The following POLD1 variants were observed in gnomAD, a reference collection of about 807,000 sequenced individuals.
The protein encoded by POLD1 is DNA polymerase delta 1, catalytic subunit.
POLD1 carries 79 observed loss-of-function variants against 129.7 expected under a neutral mutation model. The ratio of observed to expected loss-of-function variants is 0.61; its 90% CI spans 0.51 to 0.73. The LOEUF (loss-of-function observed/expected upper bound fraction) is 0.73. Among genes scored for constraint, POLD1 ranks in the 30% least tolerant of loss-of-function variants. POLD1 has a pLI of 0.00. For synonymous variants in POLD1, 714 were observed against 683.3 expected (o/e 1.04, Z -0.70); for missense variants, 1,338 against 1,595.8 (o/e 0.84, Z 2.75).
intron 1 of POLD1, chr19:50,395,165 CTTCT>C (rs2038306382): frequency 6.7e-6 from 1 of 148,706 alleles, no homozygotes; most frequent in Admixed American, 6.7e-5. Context: ...TTTTTAAAAA[CTTCT>C]TTCTCTGACA....
In POLD1 at chr19:50,398,888, G is replaced by A. The variant is rs760884573; in HGVS notation, c.37G>A (p.Val13Met). ...GKRRPGPGPGVPPKRARGGLW... is the reference protein window; with the variant it reads ...GKRRPGPGPGMPPKRARGGLW... ...GCGGCGGCCAGGCCCAGGGCCCGGG[G>A]TGCCCCCAAAGCGGGCCCGTGGGGG... is the stretch of plus-strand genomic sequence containing the variant. Residue 13 changes from valine to methionine, a missense_variant, in exon 2 of 27, where the codon GTG (valine) becomes ATG (methionine). Coordinates refer to ENST00000440232, the MANE Select transcript of POLD1 (RefSeq NM_002691.4). 6.8e-6 allele frequency: 11 copies of A among 1,607,054 alleles called. No homozygotes were observed. Among genetic ancestry groups the A allele is most frequent in the Non-Finnish European group, 9.3e-6 (11 of 1,178,218 alleles).
chr19:50,390,855 T>G (rs2038133187), intron 1 of POLD1, among the ~76,000 whole-genome samples: 1 of 150,328 alleles, frequency 6.7e-6, no homozygotes, highest in Admixed American at 6.6e-5. Context: ...TAACCCTGAG[T>G]GGACACAGCA....
intron 4 of POLD1, 26 bp downstream of exon 4, chr19:50,401,950 C>G: frequency 1.9e-6 from 3 of 1,614,092 alleles, no homozygotes; most frequent in African/African-American, 1.3e-5. Flanking sequence ...CCAGCCCCTC[C>G]CTGAGCCACT....
At position 50,413,870 on chromosome 19, in the gene POLD1, G is replaced by T. The variant is rs2039181854; in HGVS notation, c.2379G>T (p.Glu793Asp). The change falls in exon 19 of 27, where the codon GAG (glutamate) becomes GAT (aspartate). Residue 793 changes from glutamate to aspartate, a missense_variant. This residue lies in a region of POLD1 where 720 missense variants were observed against 1,002.6 expected (regional missense o/e 0.72). Coordinates refer to ENST00000440232, the MANE Select transcript of POLD1 (RefSeq NM_002691.4). ...ACTTCCCGTCGCCCATCCGGCTGGA[G>T]TTTGAGAAGGTGCGTGGCTGGGTCA... Reference protein sequence around the residue: ...SGHFPSPIRLEFEKVYFPYLL... With the variant: ...SGHFPSPIRLDFEKVYFPYLL... 2 of 1,601,652 alleles carry T rather than the reference G, an allele frequency of 1.2e-6. No individual in the cohort carries two copies. The highest frequency in any genetic ancestry group is 1.7e-6 in the Non-Finnish European group (2 of 1,173,372).
At chr19:50,413,954 C>T in intron 19 of POLD1, 75 bp downstream of exon 19, 2 of 1,421,054 alleles carry the variant, frequency 1.4e-6, no homozygotes. Flanking sequence ...TCTTTGGGTT[C>T]ACAAAAGCCA....
In POLD1 at chr19:50,409,648, G is replaced by A. The variant is rs765207547; in HGVS notation, c.2136G>A (p.Pro712=). The part of the protein sequence containing the change: ...GFTGAQVGKL[P]CLEISQSVTG... The stretch of plus-strand genomic sequence containing the variant: ...CTGGCGCCCAGGTGGGCAAGTTGCC[G>A]TGCCTGGAGATCTCACAGGTGGGCA... Residue 712 remains proline (P), a synonymous_variant, in exon 17 of 27, where the codon CCG becomes CCA. Transcript: ENST00000440232. This position sits in a 1 kb window ranked among gnomAD's most constrained non-coding sequence, Gnocchi z 5.8. 102 of 1,605,754 alleles carry A rather than the reference G, an allele frequency of 6.4e-5. No individual in the cohort carries two copies. The highest frequency in any genetic ancestry group is 1.7e-4 in the Admixed American group (10 of 59,752).
intron 1 of POLD1, among the ~76,000 whole-genome samples, 194 bp downstream of exon 1, chr19:50,384,584 G>T (rs1012163060): frequency 5.4e-5 from 8 of 149,370 alleles, no homozygotes; most frequent in African/African-American, 1.7e-4. Context: ...GGTGGGGGTG[G>T]AATTCCTCGG....
chr19:50,405,630 T>C (rs1426895386), intron 10 of POLD1, among the ~76,000 whole-genome samples: 5 of 152,120 alleles, frequency 3.3e-5, no homozygotes, highest in Admixed American at 2.0e-4. Context: ...CCCCAGTGTA[T>C]ATTCCACAGC....
At chr19:50,408,006 A>C (rs1034476696) in intron 14 of POLD1, among the ~76,000 whole-genome samples, 2 of 151,888 alleles carry the variant, frequency 1.3e-5, no homozygotes, top group Non-Finnish European at 2.9e-5. Flanking sequence ...ACTGCCCTCC[A>C]GCCTGGGCGA....
At chr19:50,404,408 G>A (rs1425348779) in intron 10 of POLD1, among the ~76,000 whole-genome samples, 11 of 147,600 alleles carry the variant, frequency 7.5e-5, no homozygotes, top group South Asian at 2.1e-4. Context: ...GACTACAGGC[G>A]CCCGCCACCA....
Position 50,401,784 on chromosome 19 carries a change from C to T in POLD1, c.323C>T (p.Ala108Val), listed in dbSNP as rs577686721. Reference sequence around the variant, plus strand: ...TTACCCTGTGACCCCACAGGCCCAGCGCAGCCTGTGCCTGGGGGGCCCCCA... The same window carrying T: ...TTACCCTGTGACCCCACAGGCCCAGTGCAGCCTGTGCCTGGGGGGCCCCCA... ...QLEIDHYVGPAQPVPGGPPPS... is the reference protein window; with the variant it reads ...QLEIDHYVGPVQPVPGGPPPS... The change falls in exon 4 of 27, where the codon GCG becomes GTG. Residue 108 changes from alanine (A) to valine (V), a missense_variant. Physicochemically the swap from Ala to Val is moderately conservative, Grantham distance 64 (BLOSUM62 0). Transcript: ENST00000440232. 20 of 1,612,092 alleles carry T rather than the reference C, an allele frequency of 1.2e-5. No homozygotes were observed. The highest frequency in any genetic ancestry group is 6.7e-5 in the East Asian group (3 of 44,862).
Position 50,395,876 on chromosome 19 carries a change from C to CTTTTTTTTTTT in POLD1, c.-1-2960_-1-2950dup, listed in dbSNP as rs774272686. 9.5e-5 allele frequency among the ~76,000 whole-genome samples: 7 copies of CTTTTTTTTTTT among 73,658 alleles called. 2 individuals are homozygous for CTTTTTTTTTTT. Among genetic ancestry groups the CTTTTTTTTTTT allele is most frequent in the African/African-American group, 3.9e-4 (7 of 17,738 alleles). 48.3% of individuals were successfully genotyped at this position (73,658 alleles called of 152,430 possible). ...TGTCTAATCAACCAGAGGATATATA[C>CTTTTTTTTTTT]TTTTTTTTTTTTTTTTTTTTTTTTT... On this transcript the variant is annotated intron_variant, in intron 1 of 26. Coordinates refer to ENST00000440232, the MANE Select transcript of POLD1 (RefSeq NM_002691.4).
intron 3 of POLD1, among the ~76,000 whole-genome samples, chr19:50,401,047 G>C (rs1272135555): frequency 2.0e-5 from 3 of 151,376 alleles, no homozygotes; most frequent in African/African-American, 7.3e-5. Flanking sequence ...GCTCACTTTT[G>C]GAGGCTGAGG....
chr19:50,411,289 T>G (rs2039079463), intron 17 of POLD1, among the ~76,000 whole-genome samples: 1 of 152,136 alleles, frequency 6.6e-6, no homozygotes, highest in Admixed American at 6.6e-5. Flanking sequence ...CCCTCTGCCT[T>G]TCACAGTCCC....
At chr19:50,397,834 G>C (rs760006627) in intron 1 of POLD1, among the ~76,000 whole-genome samples, 8 of 152,158 alleles carry the variant, frequency 5.3e-5, no homozygotes, top group Non-Finnish European at 1.2e-4. Context: ...TACTATAAAC[G>C]GCATTTTGGA....
In POLD1 at chr19:50,398,937, C is replaced by G; in HGVS notation, c.86C>G (p.Pro29Arg). 1 of 1,593,722 alleles carries G rather than the reference C, an allele frequency of 6.3e-7. No individual in the cohort carries two copies. Among genetic ancestry groups the G allele is most frequent in the Non-Finnish European group, 8.5e-7 (1 of 1,171,334 alleles). ...GGCCTCTGGGATGATGATGATGCAC[C>G]TCGGCCATCCCAATTCGAGGAGGAC... ...RGGLWDDDDA[P>R]RPSQFEEDLA... The change falls in exon 2 of 27, where the codon CCT becomes CGT. Residue 29 changes from proline to arginine, a missense_variant. Transcript: ENST00000440232.
chr19:50,386,451 T>G (rs2123701115), intron 1 of POLD1, among the ~76,000 whole-genome samples: 1 of 152,286 alleles, frequency 6.6e-6, no homozygotes, highest in African/African-American at 2.4e-5. Context: ...ACTCATGTCT[T>G]GAAGTAACCG....
chr19:50,401,114 C>T (rs1009113134), intron 3 of POLD1, among the ~76,000 whole-genome samples: 2 of 151,078 alleles, frequency 1.3e-5, no homozygotes, highest in South Asian at 4.2e-4. Flanking sequence ...ATGGTGAAAC[C>T]CCGTCTCTAC....
At position 50,402,136 on chromosome 19, in the gene POLD1, C is replaced by A. The variant is rs2038667774; in HGVS notation, c.589+12C>A. Reference sequence around the variant, plus strand: ...GTGCTCCCGAGAGAGTGAGTGCTCCCCCAGGATCAGCGGGTTGGAGGGTCC... The same window carrying A: ...GTGCTCCCGAGAGAGTGAGTGCTCCACCAGGATCAGCGGGTTGGAGGGTCC... On this transcript the variant is annotated intron_variant, in intron 5 of 26. Transcript: ENST00000440232. The A allele has an allele frequency of 2.5e-6, 4 of 1,605,674 alleles. No homozygotes were observed. The highest frequency in any genetic ancestry group is 1.1e-5 in the South Asian group (1 of 89,642).
Sources: allele counts gnomAD v4.1 joint callset (sites outside exome capture counted in the v4.1 genomes callset), GRCh38; gene constraint gnomAD v4.1.1; regional missense constraint gnomAD v4.1.1; non-coding constraint Gnocchi (gnomAD v3.1); transcripts MANE v1.5; gene names NCBI Gene and HGNC (gene_info 2026-07-23, HGNC 2026-07-21).